Variants in SHC4 observed in about 807,000 individuals in gnomAD.
SHC4 encodes the protein SHC-transforming protein 4.
SHC4 carries 41 observed loss-of-function variants against 69.4 expected under a neutral mutation model. That is an observed-to-expected ratio of 0.59 (90% CI 0.46 to 0.77). The LOEUF (loss-of-function observed/expected upper bound fraction) is 0.77, where lower values mean the gene tolerates loss of function less well. Among genes scored for constraint, SHC4 ranks in the 30% least tolerant of loss-of-function variants. The pLI, the probability that SHC4 is intolerant of heterozygous loss-of-function variation, is 0.00. For missense variants in SHC4, 777 were observed against 783.8 expected, an observed-to-expected ratio of 0.99 and a Z score of 0.10; for synonymous variants, 318 against 299.3, an observed-to-expected ratio of 1.06 and a Z score of -0.64.
At position 48,928,271 on chromosome 15, in the gene SHC4, G is replaced by A. The variant is rs535113911; in HGVS notation, c.586-3322C>T. On this transcript the variant is annotated intron_variant, in intron 1 of 11. Coordinates refer to ENST00000332408, the MANE Select transcript of SHC4 (RefSeq NM_203349.4). Reference sequence around the variant, plus strand: ...AGTGGCAACACACAACCTAGACCGAGGAGGTTTTGTAGTGAAGTGGGAAGC... The same window carrying A: ...AGTGGCAACACACAACCTAGACCGAAGAGGTTTTGTAGTGAAGTGGGAAGC... 2.3e-4 allele frequency among the ~76,000 whole-genome samples: 35 copies of A among 152,304 alleles called. No individual in the cohort carries two copies. In the South Asian group the frequency reaches 7.1e-3, roughly 31 times the overall value.
At chr15:48,880,181 A>G (rs1432922705) in intron 4 of SHC4, 1 of 167,032 alleles carries the variant, frequency 6.0e-6, no homozygotes, top group Non-Finnish European at 1.5e-5. Context: ...CAACAGGACA[A>G]TTCAGAGCCT....
At chr15:48,917,119 C>G (rs1900637882) in intron 2 of SHC4, among the ~76,000 whole-genome samples, 1 of 152,006 alleles carries the variant, frequency 6.6e-6, no homozygotes, top group Non-Finnish European at 1.5e-5. Context: ...GATGCAGGTT[C>G]CCACCTAGAC....
intron 5 of SHC4, among the ~76,000 whole-genome samples, chr15:48,871,193 A>T (rs915415683): frequency 6.6e-6 from 1 of 152,250 alleles, no homozygotes; most frequent in Non-Finnish European, 1.5e-5. Flanking sequence ...GCAGAAAAGA[A>T]GGTAATACAT....
intron 4 of SHC4, chr15:48,879,227 C>G (rs1370789077): frequency 1.2e-5 from 2 of 169,364 alleles, no homozygotes; most frequent in African/African-American, 2.4e-5. Context: ...ATTTTGTGAT[C>G]TAGTCAAGCC....
intron 3 of SHC4, among the ~76,000 whole-genome samples, chr15:48,889,962 C>T (rs1053962141): frequency 4.6e-5 from 7 of 152,234 alleles, no homozygotes; most frequent in Non-Finnish European, 7.3e-5. Context: ...TTCAAACCAA[C>T]AAAATATTCT....
At chr15:48,882,198 T>G (rs1260336560) in intron 4 of SHC4, among the ~76,000 whole-genome samples, 1 of 152,156 alleles carries the variant, frequency 6.6e-6, no homozygotes, top group Non-Finnish European at 1.5e-5. Context: ...TCATGGGAAA[T>G]AAAGCTTCTT....
At chr15:48,894,367 G>T (rs17383462) in intron 2 of SHC4, among the ~76,000 whole-genome samples, 7 of 152,108 alleles carry the variant, frequency 4.6e-5, no homozygotes, top group African/African-American at 1.7e-4. Context: ...GCACTTGATC[G>T]GATAAGTAAT....
intron 2 of SHC4, among the ~76,000 whole-genome samples, chr15:48,904,770 T>C (rs1329584520): frequency 6.6e-6 from 1 of 151,794 alleles, no homozygotes; most frequent in East Asian, 1.9e-4. Flanking sequence ...ACTGTGGTCC[T>C]AGCTCCTTGG....
intron 5 of SHC4, among the ~76,000 whole-genome samples, chr15:48,869,882 C>T (rs1899633962): frequency 1.3e-5 from 2 of 152,154 alleles, no homozygotes; most frequent in Non-Finnish European, 2.9e-5. Flanking sequence ...GCTCTCAATG[C>T]AGCAGGTACA....
chr15:48,956,741 A>G (rs1901460074), intron 1 of SHC4, among the ~76,000 whole-genome samples: 1 of 152,182 alleles, frequency 6.6e-6, no homozygotes, highest in Non-Finnish European at 1.5e-5. Context: ...TGTTAGTAAG[A>G]GGGTGCTAAA....
intron 10 of SHC4, among the ~76,000 whole-genome samples, chr15:48,839,789 T>C (rs1262460532): frequency 6.6e-6 from 1 of 152,240 alleles, no homozygotes; most frequent in Non-Finnish European, 1.5e-5. Flanking sequence ...AATGTCTTCC[T>C]TGGGGAGAAG....
At chr15:48,900,759 G>GA (rs1900307057) in intron 2 of SHC4, among the ~76,000 whole-genome samples, 1 of 152,156 alleles carries the variant, frequency 6.6e-6, no homozygotes, top group East Asian at 1.9e-4. Context: ...ACACCACCAA[G>GA]AATTTTACGA....
chr15:48,924,333 T>A lies in SHC4; in HGVS notation c.656+546A>T, dbSNP rs148337549. Among the ~76,000 whole-genome samples, 10 of 152,362 alleles carry A rather than the reference T, an allele frequency of 6.6e-5. No individual in the cohort carries two copies. In the East Asian group the frequency reaches 1.9e-3, roughly 29 times the overall value. On this transcript the variant is annotated intron_variant, in intron 2 of 11. Transcript: ENST00000332408. ...GAACCATGCCTTGTATTTCTGCTTC[T>A]GACTTGAGCTCCACGTAACAGGGAT... is the stretch of plus-strand genomic sequence containing the variant.
At chr15:48,959,437 G>T (rs1901503115) in intron 1 of SHC4, among the ~76,000 whole-genome samples, 1 of 152,188 alleles carries the variant, frequency 6.6e-6, no homozygotes, top group Non-Finnish European at 1.5e-5. Flanking sequence ...AGTTCCTGCT[G>T]CATAATTGAT....
At chr15:48,877,561 T>C (rs1181943824) in intron 4 of SHC4, 8 of 984,194 alleles carry the variant, frequency 8.1e-6, no homozygotes, top group East Asian at 1.1e-4. Flanking sequence ...ATTCAAAGAA[T>C]ACACACCGCA....
chr15:48,861,776 A>C (rs1168691943), intron 6 of SHC4, among the ~76,000 whole-genome samples: 1 of 152,158 alleles, frequency 6.6e-6, no homozygotes, highest in African/African-American at 2.4e-5. Context: ...GGTATCAAGT[A>C]CTAAACTAAG....
intron 2 of SHC4, among the ~76,000 whole-genome samples, chr15:48,906,150 A>G (rs1408538533): frequency 6.6e-6 from 1 of 152,206 alleles, no homozygotes; most frequent in African/African-American, 2.4e-5. Context: ...GCCCAAATAT[A>G]TACAGTACCT....
At chr15:48,899,508 C>T (rs1043233023) in intron 2 of SHC4, among the ~76,000 whole-genome samples, 1 of 151,558 alleles carries the variant, frequency 6.6e-6, no homozygotes, top group Non-Finnish European at 1.5e-5. Context: ...AACAGTAAAA[C>T]AGTTTGTCAT....
At chr15:48,854,535 C>G (rs1899274710) in intron 8 of SHC4, among the ~76,000 whole-genome samples, 1 of 152,118 alleles carries the variant, frequency 6.6e-6, no homozygotes, top group Admixed American at 6.5e-5. Flanking sequence ...CATCGCAGCA[C>G]TATTCACAAT....
Sources: allele counts gnomAD v4.1 joint callset (sites outside exome capture counted in the v4.1 genomes callset), GRCh38; gene constraint gnomAD v4.1.1; transcripts MANE v1.5; gene names NCBI Gene and HGNC (gene_info 2026-07-23, HGNC 2026-07-21).